The following FZR1 variants were observed in gnomAD, a reference collection of about 807,000 sequenced individuals.
FZR1 encodes fizzy-related protein homolog.
A neutral mutation model predicts 63.6 loss-of-function variants in FZR1; 11 were observed. The observed-to-expected ratio is 0.17, with a 90% CI of 0.11 to 0.29. FZR1 has a LOEUF of 0.29. FZR1 is among the 10% of genes least tolerant of loss of function. The pLI is 1.00. For synonymous variants in FZR1, 328 were observed against 297.9 expected (o/e 1.10, Z -1.04); for missense variants, 440 against 687.5 (o/e 0.64, Z 4.03).
chr19:3,530,701 G>C lies in FZR1; in HGVS notation c.655-91G>C, dbSNP rs1250493978. ...TTGGATGGGAGAGTGGATGAGAGTG[G>C]ATGGGTGAGACAGTGGAGGGATGAA... On this transcript the variant is annotated intron_variant, in intron 7 of 13. Coordinates refer to ENST00000441788, the MANE Select transcript of FZR1 (RefSeq NM_016263.4). 6.7e-6 allele frequency: 6 copies of C among 898,652 alleles called. No individual in the cohort carries two copies. The Admixed American group carries it at 1.2e-4, about 18-fold the overall frequency. 55.7% of individuals were successfully genotyped at this position (898,652 alleles called of 1,614,324 possible). A position where few individuals can be genotyped will look rare whatever the true frequency, so the allele number is the denominator to read the frequency against.
At chr19:3,513,707 G>A (rs2083039126) in intron 1 of FZR1, among the ~76,000 whole-genome samples, 1 of 152,258 alleles carries the variant, frequency 6.6e-6, no homozygotes, top group Admixed American at 6.5e-5. Context: ...GCACCCATGA[G>A]GCTCTGGTCG....
In FZR1 at chr19:3,533,217, G is replaced by A. The variant is rs1170749303; in HGVS notation, c.1243-77G>A. 33 of 874,598 alleles carry A rather than the reference G, an allele frequency of 3.8e-5. No homozygotes were observed. The highest frequency in any genetic ancestry group is 1.1e-4 in the South Asian group (8 of 73,998). 54.2% of individuals were successfully genotyped at this position (874,598 alleles called of 1,614,324 possible). On this transcript the variant is annotated intron_variant, in intron 11 of 13. Transcript: ENST00000441788. The surrounding 1 kb of genome is among the most constrained non-coding windows in gnomAD (Gnocchi z 4.9). ...TCTGAGCTCTCACATGGGCTCAGGC[G>A]GGTGCATGTGAGGCAGCAGGCATAG...
At chr19:3,513,682 G>A (rs78769908) in intron 1 of FZR1, among the ~76,000 whole-genome samples, 1 of 152,146 alleles carries the variant, frequency 6.6e-6, no homozygotes, top group African/African-American at 2.4e-5. Context: ...CCAGGAGCCC[G>A]CACGGGATGT....
intron 7 of FZR1, among the ~76,000 whole-genome samples, chr19:3,529,311 A>C (rs1456425973): frequency 1.5e-5 from 2 of 134,512 alleles, no homozygotes; most frequent in Non-Finnish European, 3.2e-5. Context: ...AGTGGATGGG[A>C]GAGCGGATGG....
In FZR1 at chr19:3,515,016, G is replaced by A. The variant is rs1254068339; in HGVS notation, c.-34-7940G>A. On this transcript the variant is annotated intron_variant, in intron 1 of 13. Coordinates refer to ENST00000441788, the MANE Select transcript of FZR1 (RefSeq NM_016263.4). The surrounding 1 kb of genome is among the most constrained non-coding windows in gnomAD (Gnocchi z 4.6). ...ACCCACAGGGCAGTGCCCTGCCAAG[G>A]GGATGGGGCAGCAGGAAGCCCGGTG... Among the ~76,000 whole-genome samples, 1 of 152,204 alleles carries A rather than the reference G, an allele frequency of 6.6e-6. No individual in the cohort carries two copies. Among genetic ancestry groups the A allele is most frequent in the Non-Finnish European group, 1.5e-5 (1 of 68,016 alleles).
intron 1 of FZR1, among the ~76,000 whole-genome samples, chr19:3,522,168 T>G (rs560920137): frequency 1.3e-5 from 2 of 152,338 alleles, no homozygotes; most frequent in East Asian, 3.9e-4. Flanking sequence ...CTGGCCCTGG[T>G]GGGAAGAGCG....
In FZR1 at chr19:3,533,805, A is replaced by C. The variant is rs740683; in HGVS notation, c.1347+407A>C. 48,210 of 187,100 alleles carry C rather than the reference A, an allele frequency of 0.26. 8,748 individuals are homozygous for C. The highest frequency in any genetic ancestry group is 0.82 in the East Asian group (5,406 of 6,576). 11.6% of individuals were successfully genotyped at this position (187,100 alleles called of 1,614,324 possible). Reference sequence around the variant, plus strand: ...TTGGCCCCACGTGCCCTCACTTGCCAAGATTTTGTTTCTTCCCTGAAAAAC... The same window carrying C: ...TTGGCCCCACGTGCCCTCACTTGCCCAGATTTTGTTTCTTCCCTGAAAAAC... On this transcript the variant is annotated intron_variant, in intron 12 of 13. Transcript: ENST00000441788. The surrounding 1 kb of genome is among the most constrained non-coding windows in gnomAD (Gnocchi z 4.9).
Position 3,532,526 on chromosome 19 carries a change from C to T in FZR1, c.1118C>T (p.Ser373Leu). 1.2e-6 allele frequency: 2 copies of T among 1,611,802 alleles called. No individual in the cohort carries two copies. Among genetic ancestry groups the T allele is most frequent in the Non-Finnish European group, 1.7e-6 (2 of 1,179,216 alleles). ...WSPHQHGLLA[S>L]GGGTADRCIR... ...CCACATCAGCACGGGCTGCTGGCCTCGGGGGGCGGCACAGCTGACCGCTGT... is the reference window on the plus strand; with the variant it reads ...CCACATCAGCACGGGCTGCTGGCCTTGGGGGGCGGCACAGCTGACCGCTGT... Residue 373 changes from serine to leucine, a missense_variant, in exon 11 of 14, where the codon TCG becomes TTG. Ser to Leu is a moderately radical substitution (Grantham distance 145). Around this residue, in one of 5 missense-constraint regions of FZR1, gnomAD observed 208 missense variants for 363.6 expected, o/e 0.57. Coordinates refer to ENST00000441788, the MANE Select transcript of FZR1 (RefSeq NM_016263.4).
At position 3,530,895 on chromosome 19, in the gene FZR1, G is replaced by T. The variant is rs73527913; in HGVS notation, c.720+38G>T. The T allele has an allele frequency of 3.9e-3, 5,957 of 1,530,290 alleles. 161 individuals are homozygous for T. The African/African-American group carries it at 0.066, about 17-fold the overall frequency. The allele number at this position is 1,530,290 out of a possible 1,614,324, so 94.8% of individuals were successfully genotyped here. Reference sequence around the variant, plus strand: ...GGCTTGGCCCCCACCTGGGAGATCTGATGGGGCTCTTGACAGTGTTGGGGG... The same window carrying T: ...GGCTTGGCCCCCACCTGGGAGATCTTATGGGGCTCTTGACAGTGTTGGGGG... On this transcript the variant is annotated intron_variant, in intron 8 of 13. Transcript: ENST00000441788.
rs1473141305 is a variant in FZR1 at position 3,529,122 on chromosome 19, GAGAGCGGA to G, written c.654+1309_654+1316del. ...GTTGAGCGGATGGGAGAGCGGATGGGAGAGCGGATGGGAGAGCGGATGGGAGAGCGGAT... is the reference window on the plus strand; with the variant it reads ...GTTGAGCGGATGGGAGAGCGGATGGGTGGGAGAGCGGATGGGAGAGCGGAT... On this transcript the variant is annotated intron_variant, in intron 7 of 13. Transcript: ENST00000441788. Among the ~76,000 whole-genome samples the G allele has an allele frequency of 1.3e-4, 15 of 116,568 alleles. 1 individual carries two copies. Among genetic ancestry groups the G allele is most frequent in the South Asian group, 1.2e-3 (4 of 3,286 alleles). The allele number at this position is 116,568 out of a possible 152,430, so 76.5% of individuals were successfully genotyped here.
At chr19:3,530,282 A>T (rs1474432281) in intron 7 of FZR1, among the ~76,000 whole-genome samples, 1 of 129,656 alleles carries the variant, frequency 7.7e-6, no homozygotes, top group African/African-American at 3.1e-5. Context: ...GGGAGAGCGG[A>T]TGGGAGAGCG....
chr19:3,528,344 G>C (rs893183408), intron 7 of FZR1, among the ~76,000 whole-genome samples: 1 of 152,202 alleles, frequency 6.6e-6, no homozygotes, highest in African/African-American at 2.4e-5. Flanking sequence ...GAGTAGTTTC[G>C]GGAGAGCGAG....
rs1430834874 is a variant in FZR1 at position 3,516,027 on chromosome 19, A to G, written c.-34-6929A>G. Among the ~76,000 whole-genome samples, 1 of 152,162 alleles carries G rather than the reference A, an allele frequency of 6.6e-6. No individual in the cohort carries two copies. The highest frequency in any genetic ancestry group is 1.5e-5 in the Non-Finnish European group (1 of 68,030). On this transcript the variant is annotated intron_variant, in intron 1 of 13. Coordinates refer to ENST00000441788, the MANE Select transcript of FZR1 (RefSeq NM_016263.4). This position sits in a 1 kb window ranked among gnomAD's most constrained non-coding sequence, Gnocchi z 6.0. ...TGCCGCAGTGACTCCATCTCTGCAC[A>G]CATGCATGCTGAGTTTCTAAGGATA...
At chr19:3,510,056 T>C (rs2083013905) in intron 1 of FZR1, among the ~76,000 whole-genome samples, 1 of 151,882 alleles carries the variant, frequency 6.6e-6, no homozygotes, top group Non-Finnish European at 1.5e-5. Flanking sequence ...CCTTCCAACC[T>C]TTCCACCTTG....
At chr19:3,517,514 C>G (rs567964298) in intron 1 of FZR1, among the ~76,000 whole-genome samples, 1 of 151,918 alleles carries the variant, frequency 6.6e-6, no homozygotes, top group Non-Finnish European at 1.5e-5. Context: ...TGATGAAACC[C>G]CCTCTCTACT....
intron 1 of FZR1, among the ~76,000 whole-genome samples, chr19:3,512,855 T>A (rs901558719): frequency 2.6e-5 from 4 of 152,146 alleles, no homozygotes; most frequent in Non-Finnish European, 4.4e-5. Context: ...CCGTGCTTCA[T>A]AAATGACACT....
intron 1 of FZR1, among the ~76,000 whole-genome samples, chr19:3,512,248 C>G (rs988553921): frequency 3.9e-5 from 6 of 152,218 alleles, no homozygotes; most frequent in African/African-American, 1.4e-4. Context: ...CCAGCATCCA[C>G]TGAGCACCTC....
chr19:3,508,328 C>G (rs1431535746), intron 1 of FZR1, among the ~76,000 whole-genome samples: 2 of 150,438 alleles, frequency 1.3e-5, no homozygotes, highest in African/African-American at 4.9e-5. Context: ...TCCTGAGTAG[C>G]TGGGATTACA....
At chr19:3,511,731 G>A (rs564735959) in intron 1 of FZR1, among the ~76,000 whole-genome samples, 3 of 152,204 alleles carry the variant, frequency 2.0e-5, no homozygotes, top group South Asian at 2.1e-4. Flanking sequence ...GTGTATTCCC[G>A]GGGCCCAGGC....
Sources: allele counts gnomAD v4.1 joint callset (sites outside exome capture counted in the v4.1 genomes callset), GRCh38; gene constraint gnomAD v4.1.1; regional missense constraint gnomAD v4.1.1; non-coding constraint Gnocchi (gnomAD v3.1); transcripts MANE v1.5; gene names NCBI Gene and HGNC (gene_info 2026-07-23, HGNC 2026-07-21).